Variants in FLRT2 observed in about 807,000 individuals in gnomAD.
The protein encoded by FLRT2 is leucine-rich repeat transmembrane protein FLRT2.
A neutral mutation model predicts 40.0 loss-of-function variants in FLRT2; 15 were observed. The observed-to-expected ratio is 0.38, with a 90% CI of 0.25 to 0.58. The LOEUF (loss-of-function observed/expected upper bound fraction) is 0.58, where lower values mean the gene tolerates loss of function less well. Ranked by LOEUF, FLRT2 falls within the 20% of genes least tolerant of loss-of-function variation. FLRT2 has a pLI of 0.71. For missense variants in FLRT2, 726 were observed against 840.0 expected, an observed-to-expected ratio of 0.86 and a Z score of 1.68; for synonymous variants, 380 against 336.8, an observed-to-expected ratio of 1.13 and a Z score of -1.41.
At chr14:85,560,201 A>G (rs1225839306) in intron 1 of FLRT2, among the ~76,000 whole-genome samples, 1 of 152,112 alleles carries the variant, frequency 6.6e-6, no homozygotes, top group African/African-American at 2.4e-5. Context: ...CCTTGTGTCT[A>G]TAGGTGAGAA....
At chr14:85,556,045 C>T (rs1286603415) in intron 1 of FLRT2, among the ~76,000 whole-genome samples, 1 of 152,112 alleles carries the variant, frequency 6.6e-6, no homozygotes, top group Admixed American at 6.5e-5. Flanking sequence ...AAGAAATTTA[C>T]CATTAAGTTG....
chr14:85,604,772 A>G (rs1490399487), intron 1 of FLRT2, among the ~76,000 whole-genome samples: 3 of 152,224 alleles, frequency 2.0e-5, no homozygotes, highest in Non-Finnish European at 4.4e-5. Context: ...GAGCAGTGCT[A>G]AAGAAATACC....
intron 1 of FLRT2, among the ~76,000 whole-genome samples, chr14:85,567,930 G>T (rs537323140): frequency 6.6e-6 from 1 of 152,032 alleles, no homozygotes; most frequent in Non-Finnish European, 1.5e-5. Context: ...GAGCCACCGC[G>T]CAAGGCCTGA....
intron 1 of FLRT2, among the ~76,000 whole-genome samples, chr14:85,584,742 C>A (rs1891542354): frequency 6.6e-6 from 1 of 152,116 alleles, no homozygotes; most frequent in African/African-American, 2.4e-5. Flanking sequence ...GCTTTATGAG[C>A]CTTGCAGAGG....
chr14:85,535,082 G>A (rs1312351782), intron 1 of FLRT2, among the ~76,000 whole-genome samples: 1 of 152,192 alleles, frequency 6.6e-6, no homozygotes, highest in Non-Finnish European at 1.5e-5. Context: ...GCAAGGTGCT[G>A]ATTAGATTTC....
intron 1 of FLRT2, among the ~76,000 whole-genome samples, chr14:85,553,072 C>T (rs542928008): frequency 6.6e-6 from 1 of 152,200 alleles, no homozygotes; most frequent in Non-Finnish European, 1.5e-5. Context: ...GTGGGGAATA[C>T]CTAAGAGAGC....
chr14:85,550,023 A>G (rs545869261), intron 1 of FLRT2, among the ~76,000 whole-genome samples: 1 of 137,350 alleles, frequency 7.3e-6, no homozygotes. Context: ...AACTCTTACA[A>G]CCACTTATTT....
rs976312868 is a variant in FLRT2, at chr14:85,652,126, T to C, written c.*28629T>C. On this transcript the variant is annotated 3_prime_UTR_variant, in exon 2 of 2. Transcript: ENST00000330753. ...AGTCTCCTTAGGAGGCAAAACAAAGTATTATTAAAAGTATGTTTGATGTTG... is the reference window on the plus strand; with the variant it reads ...AGTCTCCTTAGGAGGCAAAACAAAGCATTATTAAAAGTATGTTTGATGTTG... 1 of 152,090 alleles carries C rather than the reference T, an allele frequency of 6.6e-6. No individual in the cohort carries two copies. The highest frequency in any genetic ancestry group is 1.5e-5 in the Non-Finnish European group (1 of 67,976). 9.4% of individuals were successfully genotyped at this position (152,090 alleles called of 1,614,324 possible). A position where few individuals can be genotyped will look rare whatever the true frequency, so the allele number is the denominator to read the frequency against.
intron 1 of FLRT2, among the ~76,000 whole-genome samples, chr14:85,584,473 G>A (rs991757823): frequency 2.6e-5 from 4 of 152,184 alleles, no homozygotes; most frequent in African/African-American, 7.2e-5. Context: ...CCTAGATGGA[G>A]TGGCTCAATA....
At position 85,651,694 on chromosome 14, in the gene FLRT2, C is replaced by A. The variant is rs980499378; in HGVS notation, c.*28197C>A. ...TTTATTTTGGCTGATATTTTCGTTA[C>A]TTTTTTCTTATTTTTATCCTTTCTA... On this transcript the variant is annotated 3_prime_UTR_variant, in exon 2 of 2. Transcript: ENST00000330753. The A allele has an allele frequency of 6.6e-6, 1 of 151,852 alleles. No homozygotes were observed. Among genetic ancestry groups the A allele is most frequent in the African/African-American group, 2.4e-5 (1 of 41,368 alleles). 9.4% of individuals were successfully genotyped at this position (151,852 alleles called of 1,614,324 possible).
At chr14:85,616,803 G>A (rs1410348003) in intron 1 of FLRT2, among the ~76,000 whole-genome samples, 2 of 152,056 alleles carry the variant, frequency 1.3e-5, no homozygotes, top group East Asian at 1.9e-4. Context: ...TAACTTTTAA[G>A]CCTCATGAGC....
intron 1 of FLRT2, among the ~76,000 whole-genome samples, chr14:85,544,707 G>A (rs1164283411): frequency 6.6e-6 from 1 of 152,122 alleles, no homozygotes; most frequent in African/African-American, 2.4e-5. Flanking sequence ...AATTTATATG[G>A]TTTAATGTGT....
In FLRT2 at chr14:85,624,677, T is replaced by G. The variant is rs1167837212; in HGVS notation, c.*1180T>G. 6.0e-6 allele frequency: 1 copy of G among 166,860 alleles called. No individual in the cohort carries two copies. Among genetic ancestry groups the G allele is most frequent in the Non-Finnish European group, 1.5e-5 (1 of 68,128 alleles). 10.3% of individuals were successfully genotyped at this position (166,860 alleles called of 1,614,324 possible). On this transcript the variant is annotated 3_prime_UTR_variant, in exon 2 of 2. Coordinates refer to ENST00000330753, the MANE Select transcript of FLRT2 (RefSeq NM_013231.6). The stretch of plus-strand genomic sequence containing the variant: ...ATATATTTTCATAATTAGTTGTTTA[T>G]GACACCTTTGTTTTTCTCCCTCTGT...
At chr14:85,583,141 A>T (rs189145632) in intron 1 of FLRT2, among the ~76,000 whole-genome samples, 350 of 152,308 alleles carry the variant, frequency 2.3e-3, no homozygotes, top group Middle Eastern at 0.017. Flanking sequence ...TCTTTATAGG[A>T]TGCTGAAAAT....
At chr14:85,531,598 C>T (rs1340853733) in intron 1 of FLRT2, among the ~76,000 whole-genome samples, 1 of 152,104 alleles carries the variant, frequency 6.6e-6, no homozygotes, top group Non-Finnish European at 1.5e-5. Flanking sequence ...GGTGCTCCTG[C>T]CAGCGGCAGT....
intron 1 of FLRT2, among the ~76,000 whole-genome samples, chr14:85,534,095 G>A (rs895144981): frequency 2.0e-5 from 3 of 152,210 alleles, no homozygotes; most frequent in Admixed American, 6.5e-5. Context: ...GAAAGTAAGA[G>A]GGAGGCGAAG....
chr14:85,607,111 G>A (rs118042965), intron 1 of FLRT2, among the ~76,000 whole-genome samples: 8 of 152,048 alleles, frequency 5.3e-5, no homozygotes, highest in Non-Finnish European at 1.0e-4. Context: ...TGGAGAAGAC[G>A]CCATATGCTC....
At chr14:85,563,354 A>G (rs964033440) in intron 1 of FLRT2, among the ~76,000 whole-genome samples, 3 of 152,136 alleles carry the variant, frequency 2.0e-5, no homozygotes, top group African/African-American at 7.2e-5. Flanking sequence ...AGTCCCACAC[A>G]CCTTGTGTTA....
intron 1 of FLRT2, among the ~76,000 whole-genome samples, chr14:85,546,788 T>C (rs1384908588): frequency 6.6e-6 from 1 of 152,226 alleles, no homozygotes; most frequent in African/African-American, 2.4e-5. Flanking sequence ...CTCCAAGTGC[T>C]GAACTCACTT....
Sources: allele counts gnomAD v4.1 joint callset (sites outside exome capture counted in the v4.1 genomes callset), GRCh38; gene constraint gnomAD v4.1.1; transcripts MANE v1.5; gene names NCBI Gene and HGNC (gene_info 2026-07-23, HGNC 2026-07-21).